Variants in SH3BP5 observed in about 807,000 individuals in gnomAD.
The protein encoded by SH3BP5 is SH3 domain-binding protein 5.
A neutral mutation model predicts 43.3 loss-of-function variants in SH3BP5; 22 were observed. The ratio of observed to expected loss-of-function variants is 0.51; its 90% CI spans 0.36 to 0.73. The LOEUF (loss-of-function observed/expected upper bound fraction) is 0.73. SH3BP5 is among the 30% of genes least tolerant of loss of function. The pLI, the probability that SH3BP5 is intolerant of heterozygous loss-of-function variation, is 0.00. For synonymous variants in SH3BP5, 255 were observed against 225.8 expected (o/e 1.13, Z -1.16); for missense variants, 529 against 586.9 (o/e 0.90, Z 1.02).
chr3:15,307,219 C>A (rs1278908236), intron 2 of SH3BP5, among the ~76,000 whole-genome samples: 1 of 152,172 alleles, frequency 6.6e-6, no homozygotes, highest in Non-Finnish European at 1.5e-5. Context: ...TCATCATCAT[C>A]CTGATTTCCT....
chr3:15,312,149 C>G (rs1417664309), intron 2 of SH3BP5, among the ~76,000 whole-genome samples: 1 of 152,146 alleles, frequency 6.6e-6, no homozygotes, highest in Non-Finnish European at 1.5e-5. Context: ...TCTGAGCGTT[C>G]AGTAGAGTTT....
At chr3:15,285,540 T>C (rs1246823273) in intron 3 of SH3BP5, among the ~76,000 whole-genome samples, 1 of 152,222 alleles carries the variant, frequency 6.6e-6, no homozygotes, top group African/African-American at 2.4e-5. Flanking sequence ...TGCCACGTTA[T>C]AAAATAGTAT....
Position 15,255,848 on chromosome 3 carries a change from C to A in SH3BP5, c.*238G>T. 1 of 480,416 alleles carries A rather than the reference C, an allele frequency of 2.1e-6. No individual in the cohort carries two copies. The highest frequency in any genetic ancestry group is 3.7e-6 in the Non-Finnish European group (1 of 270,092). The allele number at this position is 480,416 out of a possible 1,614,324, so 29.8% of individuals were successfully genotyped here. A position where few individuals can be genotyped will look rare whatever the true frequency, so the allele number is the denominator to read the frequency against. ...CCACAATGCCGTTATACGGAATGTT[C>A]CACAAAGGCTGTGAACCTAGTCACA... On this transcript the variant is annotated 3_prime_UTR_variant, in exon 9 of 9. Coordinates refer to ENST00000383791, the MANE Select transcript of SH3BP5 (RefSeq NM_004844.5).
chr3:15,315,678 T>A (rs1698167995), intron 2 of SH3BP5, among the ~76,000 whole-genome samples: 1 of 152,008 alleles, frequency 6.6e-6, no homozygotes, highest in Non-Finnish European at 1.5e-5. Context: ...CTATGAAGGG[T>A]TTCCAAACAA....
At chr3:15,318,800 A>G (rs922745734) in intron 2 of SH3BP5, among the ~76,000 whole-genome samples, 2 of 152,180 alleles carry the variant, frequency 1.3e-5, no homozygotes, top group African/African-American at 4.8e-5. Context: ...CCAAATTCGT[A>G]GCCTCAAGCC....
At chr3:15,309,693 C>T (rs1158239724) in intron 2 of SH3BP5, among the ~76,000 whole-genome samples, 1 of 152,124 alleles carries the variant, frequency 6.6e-6, no homozygotes, top group African/African-American at 2.4e-5. Context: ...GCCTGCCAGT[C>T]TGACTTGATG....
chr3:15,256,363 GA>G, intron 8 of SH3BP5, 60 bp from the exon 9 acceptor site: 3 of 1,506,104 alleles, frequency 2.0e-6, no homozygotes, highest in Non-Finnish European at 1.8e-6. Flanking sequence ...GTCTCCTATA[GA>G]AATACAAAGA....
chr3:15,308,035 AG>A (rs202224883), intron 2 of SH3BP5, among the ~76,000 whole-genome samples: 9 of 152,288 alleles, frequency 5.9e-5, no homozygotes, highest in African/African-American at 2.2e-4. Flanking sequence ...TTTCATTTAA[AG>A]AAAAAAAATA....
upstream of SH3BP5, among the ~76,000 whole-genome samples, chr3:15,337,144 C>T (rs970730540): frequency 1.6e-5 from 2 of 128,608 alleles, no homozygotes; most frequent in Admixed American, 9.3e-5. Context: ...GGCTGGAGTG[C>T]GGTGGTGTTA....
chr3:15,283,736 G>T (rs1697190576), intron 3 of SH3BP5, among the ~76,000 whole-genome samples: 1 of 152,158 alleles, frequency 6.6e-6, no homozygotes, highest in South Asian at 2.1e-4. Context: ...ACTAAATCAG[G>T]ATAGAGCACT....
intron 3 of SH3BP5, among the ~76,000 whole-genome samples, chr3:15,297,875 G>T (rs923596068): frequency 2.6e-5 from 4 of 151,988 alleles, no homozygotes; most frequent in Non-Finnish European, 5.9e-5. Context: ...AGAAAAACTG[G>T]CCAACAAAAC....
rs372279746 is a variant in SH3BP5 at position 15,259,058 on chromosome 3, A to G, written c.670-8T>C. 174 of 1,609,996 alleles carry G rather than the reference A, an allele frequency of 1.1e-4. No individual in the cohort carries two copies. Among genetic ancestry groups the G allele is most frequent in the South Asian group, 1.4e-4 (13 of 90,994 alleles). ...CACAGTCTTTTTCAGTTGCTGATCA[A>G]GAGAACAGGAGACTAAGTGAAGACT... is the stretch of plus-strand genomic sequence containing the variant. On this transcript the variant is annotated splice_polypyrimidine_tract_variant and splice_region_variant and intron_variant, in intron 6 of 8. Coordinates refer to ENST00000383791, the MANE Select transcript of SH3BP5 (RefSeq NM_004844.5).
chr3:15,332,107 G>C, intron 1 of SH3BP5, 164 bp downstream of exon 1: 1 of 1,132,716 alleles, frequency 8.8e-7, no homozygotes, highest in Non-Finnish European at 1.2e-6. Flanking sequence ...TCCTCATTGT[G>C]GAGACGATGA....
chr3:15,258,497 G>GT, intron 7 of SH3BP5: 1 of 346,158 alleles, frequency 2.9e-6, no homozygotes, highest in Non-Finnish European at 5.4e-6. Flanking sequence ...TAGTAATGAT[G>GT]TAAAGGTAGC....
chr3:15,330,381 T>C, intron 2 of SH3BP5, 123 bp downstream of exon 2: 1 of 779,050 alleles, frequency 1.3e-6, no homozygotes, highest in Non-Finnish European at 2.3e-6. Flanking sequence ...CAGGGAGCTG[T>C]TGCTCAACTC....
intron 3 of SH3BP5, among the ~76,000 whole-genome samples, chr3:15,286,844 C>T (rs1697278518): frequency 6.6e-6 from 1 of 152,222 alleles, no homozygotes; most frequent in Non-Finnish European, 1.5e-5. Flanking sequence ...CCATGCCGGG[C>T]TGCAAGCATT....
At chr3:15,272,943 C>T (rs983330627) in intron 3 of SH3BP5, among the ~76,000 whole-genome samples, 3 of 152,142 alleles carry the variant, frequency 2.0e-5, no homozygotes, top group South Asian at 2.1e-4. Context: ...ACTCACCCCC[C>T]CAACCCCTGC....
intron 3 of SH3BP5, among the ~76,000 whole-genome samples, chr3:15,283,416 T>C (rs1301494016): frequency 6.6e-6 from 1 of 152,006 alleles, no homozygotes; most frequent in Non-Finnish European, 1.5e-5. Context: ...AAAAGAAATA[T>C]CTAAGATTGC....
intron 3 of SH3BP5, among the ~76,000 whole-genome samples, chr3:15,301,402 C>A (rs77326830): frequency 6.6e-6 from 1 of 152,168 alleles, no homozygotes; most frequent in African/African-American, 2.4e-5. Flanking sequence ...TATTTGAGCA[C>A]CTTCTGTATG....
Sources: allele counts gnomAD v4.1 joint callset (sites outside exome capture counted in the v4.1 genomes callset), GRCh38; gene constraint gnomAD v4.1.1; transcripts MANE v1.5; gene names NCBI Gene and HGNC (gene_info 2026-07-23, HGNC 2026-07-21).